Variants in ABCB4 observed in about 807,000 individuals in gnomAD.
ABCB4 encodes the protein phosphatidylcholine translocator ABCB4.
A neutral mutation model predicts 145.7 loss-of-function variants in ABCB4; 76 were observed. The ratio of observed to expected loss-of-function variants is 0.52; its 90% CI spans 0.43 to 0.63. The LOEUF (loss-of-function observed/expected upper bound fraction) is 0.63. Ranked by LOEUF, ABCB4 falls within the 30% of genes least tolerant of loss-of-function variation. The pLI, the probability that ABCB4 is intolerant of heterozygous loss-of-function variation, is 0.00. For synonymous variants in ABCB4, 517 were observed against 566.8 expected, an observed-to-expected ratio of 0.91 and a Z score of 1.25; for missense variants, 1,234 against 1,553.1, an observed-to-expected ratio of 0.79 and a Z score of 3.45.
chr7:87,392,532 G>A, the ABCB4 span: 5 of 1,560,082 alleles, frequency 3.2e-6, no homozygotes, highest in African/African-American at 5.4e-5. Flanking sequence ...TTTGCACAGT[G>A]TGTTATTGAA....
intron 4 of ABCB4, among the ~76,000 whole-genome samples, chr7:87,457,489 T>C (rs1345442980): frequency 1.3e-5 from 2 of 152,206 alleles, no homozygotes; most frequent in Admixed American, 1.3e-4. Context: ...ATGCCTCCCG[T>C]AGTAAGGAAC....
the ABCB4 span, among the ~76,000 whole-genome samples, chr7:87,367,332 T>C: frequency 2.6e-5 from 4 of 152,148 alleles, no homozygotes; most frequent in African/African-American, 9.7e-5. Flanking sequence ...CCAAGGAATG[T>C]GGATAGCCTC....
intron 4 of ABCB4, among the ~76,000 whole-genome samples, chr7:87,457,632 C>T (rs1017683651): frequency 3.3e-5 from 5 of 152,156 alleles, no homozygotes; most frequent in Admixed American, 1.3e-4. Flanking sequence ...ATTTATTGAT[C>T]ATTTACTATG....
At chr7:87,391,726 A>G in the ABCB4 span, 1 of 1,598,506 alleles carries the variant, frequency 6.3e-7, no homozygotes, top group Non-Finnish European at 8.5e-7. Context: ...AGTATTGGAA[A>G]GGAAAAAAAC....
chr7:87,377,758 T>C, the ABCB4 span, among the ~76,000 whole-genome samples: 4 of 152,296 alleles, frequency 2.6e-5, no homozygotes, highest in East Asian at 7.7e-4. Context: ...AAAGGTATTA[T>C]ATGGCATTAT....
chr7:87,457,263 G>T (rs1442584027), intron 4 of ABCB4, among the ~76,000 whole-genome samples: 1 of 152,044 alleles, frequency 6.6e-6, no homozygotes, highest in Admixed American at 6.5e-5. Flanking sequence ...ACAAAAAGTT[G>T]GCCGGGCATG....
At chr7:87,440,446 T>C (rs1276807734) in intron 12 of ABCB4, 44 bp from the exon 13 acceptor site, 4 of 1,510,164 alleles carry the variant, frequency 2.6e-6, no homozygotes, top group Non-Finnish European at 3.7e-6. Context: ...AACCATTTAA[T>C]AGCTGAAGTA....
At chr7:87,414,286 C>T (rs529114408) in intron 21 of ABCB4, among the ~76,000 whole-genome samples, 5 of 152,300 alleles carry the variant, frequency 3.3e-5, no homozygotes, top group East Asian at 1.9e-4. Context: ...GGTTTCCTGG[C>T]CCTGGACACA....
chr7:87,456,952 C>T (rs995864473), intron 4 of ABCB4, among the ~76,000 whole-genome samples: 1 of 151,904 alleles, frequency 6.6e-6, no homozygotes, highest in Admixed American at 6.6e-5. Flanking sequence ...CAGATGCTAC[C>T]TATTCTGCTT....
intron 19 of ABCB4, among the ~76,000 whole-genome samples, 192 bp downstream of exon 19, chr7:87,419,806 A>G (rs558973785): frequency 2.6e-5 from 4 of 151,952 alleles, no homozygotes; most frequent in Admixed American, 6.5e-5. Flanking sequence ...ACAAAAACAA[A>G]AAAAAAACAA....
rs8187808 is a variant in ABCB4 at position 87,408,205 on chromosome 7, A to G, written c.3111T>C (p.Asn1037=). The change falls in exon 25 of 28, where the codon AAT becomes AAC. Residue 1037 remains asparagine, a synonymous_variant. Transcript: ENST00000649586. Reference sequence around the variant, plus strand: ...GGGTGGGATAGTTGAACACGACTTCATTAAATGTTATATTTCCTTCAAATT... The same window carrying G: ...GGGTGGGATAGTTGAACACGACTTCGTTAAATGTTATATTTCCTTCAAATT... ...PDKFEGNITF[N]EVVFNYPTRA... is the part of the protein sequence containing the mutation. 58 of 1,614,202 alleles carry G rather than the reference A, an allele frequency of 3.6e-5. No homozygotes were observed. In the African/African-American group the frequency reaches 6.5e-4, roughly 18 times the overall value.
the ABCB4 span, among the ~76,000 whole-genome samples, chr7:87,393,604 GA>G: frequency 1.3e-5 from 2 of 152,132 alleles, no homozygotes; most frequent in African/African-American, 4.8e-5. Flanking sequence ...AAGATAAAAT[GA>G]AAGTGATAGC....
At chr7:87,446,421 A>T (rs1383578591) in intron 9 of ABCB4, among the ~76,000 whole-genome samples, 1 of 152,246 alleles carries the variant, frequency 6.6e-6, no homozygotes, top group African/African-American at 2.4e-5. Flanking sequence ...ATGTGTATAT[A>T]TATAGAAAAT....
At chr7:87,462,392 G>T (rs958370723) in intron 4 of ABCB4, among the ~76,000 whole-genome samples, 9 of 152,156 alleles carry the variant, frequency 5.9e-5, no homozygotes, top group African/African-American at 1.9e-4. Context: ...AAGAAGTACT[G>T]CCATGTTTAA....
chr7:87,452,468 T>G (rs180693291), intron 6 of ABCB4: 72 of 174,766 alleles, frequency 4.1e-4, no homozygotes, highest in Middle Eastern at 2.8e-3. Flanking sequence ...CTCCCTCTAC[T>G]GGAATGTAAG....
chr7:87,430,144 C>T (rs1014838736), intron 15 of ABCB4, among the ~76,000 whole-genome samples: 7 of 152,048 alleles, frequency 4.6e-5, no homozygotes, highest in Non-Finnish European at 4.4e-5. Flanking sequence ...CTTTTTTGAT[C>T]TACTTGTGCT....
At chr7:87,443,043 T>A (rs941698661) in intron 12 of ABCB4, among the ~76,000 whole-genome samples, 4 of 152,204 alleles carry the variant, frequency 2.6e-5, no homozygotes, top group African/African-American at 9.6e-5. Flanking sequence ...ATCCTCTCAG[T>A]GGTTTGTAGA....
the ABCB4 span, among the ~76,000 whole-genome samples, chr7:87,379,661 A>G: frequency 6.6e-6 from 1 of 152,236 alleles, no homozygotes; most frequent in African/African-American, 2.4e-5. Flanking sequence ...TAGTGTGCGG[A>G]CATGTTTTAT....
the ABCB4 span, among the ~76,000 whole-genome samples, chr7:87,369,041 C>T: frequency 6.6e-6 from 1 of 152,154 alleles, no homozygotes; most frequent in Non-Finnish European, 1.5e-5. Flanking sequence ...AATGGCTGTC[C>T]TCCAAGATTC....
Sources: gnomAD v4.1 joint callset for allele counts (sites outside exome capture counted in the v4.1 genomes callset) on GRCh38, gnomAD v4.1.1 for gene constraint, MANE v1.5 for transcripts, NCBI Gene and HGNC (gene_info 2026-07-23, HGNC 2026-07-21) for gene names.